The following ZSCAN25 variants were observed in gnomAD, a reference collection of about 807,000 sequenced individuals.
ZSCAN25 encodes zinc finger and SCAN domain-containing protein 25.
ZSCAN25 carries 27 observed loss-of-function variants against 38.7 expected under a neutral mutation model. The observed-to-expected ratio is 0.70, with a 90% confidence interval of 0.51 to 0.96. The LOEUF is 0.96. Among genes scored for constraint, ZSCAN25 ranks in the 40% least tolerant of loss-of-function variants. The probability of loss-of-function intolerance (pLI) is 0.00; values close to 1 mark genes in which losing one functional copy is unlikely to be tolerated. For missense variants in ZSCAN25, 637 were observed against 705.9 expected, an observed-to-expected ratio of 0.90 and a Z score of 1.11; for synonymous variants, 273 against 277.7, an observed-to-expected ratio of 0.98 and a Z score of 0.17.
the ZSCAN25 span, among the ~76,000 whole-genome samples, chr7:99,704,322 A>G: frequency 5.3e-5 from 8 of 151,990 alleles, no homozygotes; most frequent in East Asian, 1.2e-3. Flanking sequence ...ATGCAGTCTC[A>G]CTCTGTCACT....
chr7:99,695,085 A>G, the ZSCAN25 span, among the ~76,000 whole-genome samples: 1 of 152,172 alleles, frequency 6.6e-6, no homozygotes, highest in Non-Finnish European at 1.5e-5. Flanking sequence ...AGACTCACCC[A>G]TAAGGTGCAG....
the ZSCAN25 span, among the ~76,000 whole-genome samples, chr7:99,719,743 C>G: frequency 6.6e-6 from 1 of 152,182 alleles, no homozygotes; most frequent in Non-Finnish European, 1.5e-5. Context: ...TCATGCTGGT[C>G]ATTGCACAAA....
chr7:99,621,072 A>G (rs757516939), intron 4 of ZSCAN25: 10 of 231,852 alleles, frequency 4.3e-5, no homozygotes, highest in Non-Finnish European at 7.4e-5. Context: ...TTTTTCTAGT[A>G]GTGAGTATAT....
chr7:99,733,423 A>G, the ZSCAN25 span, among the ~76,000 whole-genome samples: 6 of 152,178 alleles, frequency 3.9e-5, no homozygotes, highest in Non-Finnish European at 7.3e-5. Context: ...GCTTTTTGTT[A>G]CAATGAAGAG....
chr7:99,639,076 A>G, the ZSCAN25 span, among the ~76,000 whole-genome samples: 12 of 152,336 alleles, frequency 7.9e-5, no homozygotes, highest in South Asian at 2.1e-4. Flanking sequence ...CCTGGCCTCA[A>G]CCTACCAGAT....
the ZSCAN25 span, chr7:99,660,241 T>C: frequency 2.0e-6 from 2 of 978,258 alleles, no homozygotes; most frequent in South Asian, 4.8e-5. Flanking sequence ...TTTTTTTTTT[T>C]TTTTACTTAG....
At chr7:99,711,882 G>A in the ZSCAN25 span, among the ~76,000 whole-genome samples, 5 of 152,314 alleles carry the variant, frequency 3.3e-5, no homozygotes, top group Admixed American at 1.3e-4. Flanking sequence ...TAATTTGTGT[G>A]CATAGCCCAG....
At chr7:99,647,843 A>G in the ZSCAN25 span, 2 of 985,230 alleles carry the variant, frequency 2.0e-6, no homozygotes, top group African/African-American at 3.5e-5. Flanking sequence ...ATGGCATCAG[A>G]TAATATTTTT....
downstream of ZSCAN25, among the ~76,000 whole-genome samples, chr7:99,634,528 G>A (rs541526289): frequency 1.7e-3 from 264 of 152,298 alleles, no homozygotes; most frequent in African/African-American, 6.2e-3. Flanking sequence ...GGTGGCTCAC[G>A]CCTGTAATCC....
the ZSCAN25 span, among the ~76,000 whole-genome samples, chr7:99,691,878 C>T: frequency 1.3e-5 from 2 of 152,100 alleles, no homozygotes; most frequent in South Asian, 2.1e-4. Context: ...TTAATTGGGG[C>T]ATTTAGCCCA....
chr7:99,731,703 A>G, the ZSCAN25 span, among the ~76,000 whole-genome samples: 1 of 152,168 alleles, frequency 6.6e-6, no homozygotes, highest in African/African-American at 2.4e-5. Context: ...ACCCTGTTTT[A>G]GGATCTGGCC....
the ZSCAN25 span, among the ~76,000 whole-genome samples, chr7:99,688,855 T>A: frequency 6.6e-6 from 1 of 152,322 alleles, no homozygotes; most frequent in South Asian, 2.1e-4. Flanking sequence ...AACTCAGGAT[T>A]AAGAAGCTCA....
In ZSCAN25 at chr7:99,631,366, A is replaced by G; in HGVS notation, c.*1346A>G. ...ATTTGTAGGCATTAAAAAAAAATAC[A>G]TTTCTTTAAAAATGAGAAGATGCAA... On this transcript the variant is annotated 3_prime_UTR_variant, in exon 8 of 8. Transcript: ENST00000394152. 1.0e-6 allele frequency: 1 copy of G among 985,238 alleles called. No homozygotes were observed. Among genetic ancestry groups the G allele is most frequent in the Non-Finnish European group, 1.2e-6 (1 of 829,802 alleles). 61.0% of individuals were successfully genotyped at this position (985,238 alleles called of 1,614,324 possible). A position where few individuals can be genotyped will look rare whatever the true frequency, so the allele number is the denominator to read the frequency against.
the ZSCAN25 span, chr7:99,662,945 AAG>A: frequency 6.2e-7 from 1 of 1,604,834 alleles, no homozygotes; most frequent in African/African-American, 1.3e-5. The surrounding 1 kb of genome is among the most constrained non-coding windows in gnomAD (Gnocchi z 4.3). Context: ...AGTAAATCAA[AAG>A]TGCAGTCCTC....
the ZSCAN25 span, chr7:99,722,388 A>G: frequency 1.2e-6 from 2 of 1,607,906 alleles, no homozygotes; most frequent in Non-Finnish European, 1.7e-6. Context: ...TATTATTTTA[A>G]GTGTACTTAA....
the ZSCAN25 span, among the ~76,000 whole-genome samples, chr7:99,642,918 A>G: frequency 6.6e-6 from 1 of 152,196 alleles, no homozygotes; most frequent in Non-Finnish European, 1.5e-5. Flanking sequence ...GAAGGCATCC[A>G]AGTTGAACAG....
the ZSCAN25 span, among the ~76,000 whole-genome samples, chr7:99,680,729 A>C: frequency 6.6e-6 from 1 of 152,220 alleles, no homozygotes; most frequent in Non-Finnish European, 1.5e-5. Context: ...ATGCAGCCAC[A>C]CTGTGTCCCA....
chr7:99,736,789 C>A, the ZSCAN25 span, among the ~76,000 whole-genome samples: 20 of 152,172 alleles, frequency 1.3e-4, no homozygotes, highest in African/African-American at 4.8e-4. Context: ...CACCTGGCCT[C>A]AGCAGGTGAA....
At chr7:99,643,021 T>G in the ZSCAN25 span, among the ~76,000 whole-genome samples, 1 of 152,360 alleles carries the variant, frequency 6.6e-6, no homozygotes, top group Middle Eastern at 3.4e-3. Flanking sequence ...ATACTTTTAC[T>G]TCCCCATTAG....
Sources: gnomAD v4.1 joint callset for allele counts (sites outside exome capture counted in the v4.1 genomes callset) on GRCh38, gnomAD v4.1.1 for gene constraint, Gnocchi (gnomAD v3.1) non-coding constraint, MANE v1.5 for transcripts, NCBI Gene and HGNC (gene_info 2026-07-23, HGNC 2026-07-21) for gene names.